The following ANKAR variants were observed in gnomAD, a reference collection of about 807,000 sequenced individuals.
ANKAR encodes the protein ankyrin and armadillo repeat-containing protein.
ANKAR carries 136 observed loss-of-function variants against 146.2 expected under a neutral mutation model. The ratio of observed to expected loss-of-function variants is 0.93; its 90% CI spans 0.81 to 1.07. The LOEUF is 1.07. Ranked by LOEUF, ANKAR falls within the 50% of genes least tolerant of loss-of-function variation. The probability of loss-of-function intolerance (pLI) is 0.00; values close to 1 mark genes in which losing one functional copy is unlikely to be tolerated. For missense variants in ANKAR, 1,567 were observed against 1,679.9 expected (o/e 0.93, Z 1.18); for synonymous variants, 500 against 575.8 (o/e 0.87, Z 1.88).
At chr2:189,722,683 C>A (rs936716652) in intron 12 of ANKAR, among the ~76,000 whole-genome samples, 9 of 152,022 alleles carry the variant, frequency 5.9e-5, no homozygotes, top group Admixed American at 4.6e-4. Context: ...GAGATCAAGA[C>A]CATCCTGGCC....
At chr2:189,727,296 G>A (rs1010418518) in intron 12 of ANKAR, among the ~76,000 whole-genome samples, 4 of 152,018 alleles carry the variant, frequency 2.6e-5, no homozygotes, top group Admixed American at 1.3e-4. Flanking sequence ...TCTGATTATG[G>A]AAGGCTAAGA....
intron 12 of ANKAR, among the ~76,000 whole-genome samples, chr2:189,725,225 G>C (rs1574644633): frequency 6.6e-6 from 1 of 151,996 alleles, no homozygotes; most frequent in East Asian, 1.9e-4. Flanking sequence ...ATGTATGAGT[G>C]TGTGTGTATA....
At chr2:189,737,596 A>G in intron 17 of ANKAR, 87 bp from the exon 18 acceptor site, 1 of 1,237,702 alleles carries the variant, frequency 8.1e-7, no homozygotes. Flanking sequence ...AATGCAATAT[A>G]TTTTAATGAG....
chr2:189,726,633 A>G (rs557118804), intron 12 of ANKAR, among the ~76,000 whole-genome samples: 1 of 152,212 alleles, frequency 6.6e-6, no homozygotes, highest in South Asian at 2.1e-4. Flanking sequence ...CTAAAGAGAC[A>G]TAACTAAGTG....
intron 2 of ANKAR, among the ~76,000 whole-genome samples, chr2:189,679,342 T>C (rs1425158978): frequency 6.6e-6 from 1 of 152,208 alleles, no homozygotes; most frequent in African/African-American, 2.4e-5. Flanking sequence ...AATTCCTTTA[T>C]GGCATCTAAG....
intron 18 of ANKAR, among the ~76,000 whole-genome samples, chr2:189,758,594 C>T (rs1235368662): frequency 3.3e-5 from 5 of 152,170 alleles, no homozygotes; most frequent in Non-Finnish European, 7.3e-5. Flanking sequence ...TCAGGTATTT[C>T]GTTATAGCAG....
rs777475316 is a variant in ANKAR at position 189,746,565 on chromosome 2, G to A, written c.4243G>A (p.Val1415Met). The A allele has an allele frequency of 1.2e-6, 2 of 1,613,670 alleles. No individual in the cohort carries two copies. Among genetic ancestry groups the A allele is most frequent in the Non-Finnish European group, 8.5e-7 (1 of 1,179,852 alleles). ...CACAAATGTATCAAGACCAAGAATAGTGTGTTTGAACCAACTTGGGAAACA... is the reference window on the plus strand; with the variant it reads ...CACAAATGTATCAAGACCAAGAATAATGTGTTTGAACCAACTTGGGAAACA... ...DITNVSRPRI[V>M]CLNQLGKHVQ... Residue 1415 changes from valine to methionine, a missense_variant, in exon 23 of 23, where the codon GTG becomes ATG. Physicochemically the swap from Val to Met is conservative, Grantham distance 21. Coordinates refer to ENST00000684021, the MANE Select transcript of ANKAR (RefSeq NM_001378068.1).
intron 9 of ANKAR, among the ~76,000 whole-genome samples, chr2:189,708,105 G>A (rs753805610): frequency 6.6e-6 from 1 of 152,154 alleles, no homozygotes; most frequent in Non-Finnish European, 1.5e-5. Context: ...AGACAGCAAG[G>A]GGAAGTTCCA....
chr2:189,726,979 T>TA (rs761672813), intron 12 of ANKAR, among the ~76,000 whole-genome samples: 41 of 152,138 alleles, frequency 2.7e-4, no homozygotes, highest in Non-Finnish European at 5.4e-4. Flanking sequence ...TTCTATAAGT[T>TA]AAAAAAATGC....
chr2:189,744,990 T>TCTTCTACTACTACTA (rs1553536976), intron 22 of ANKAR, among the ~76,000 whole-genome samples: 74 of 112,408 alleles, frequency 6.6e-4, no homozygotes, highest in African/African-American at 2.8e-3. Context: ...AAACCCCATC[T>TCTTCTACTACTACTA]CTACTACTAC....
chr2:189,738,522 G>C, intron 18 of ANKAR, 43 bp from the exon 19 acceptor site: 1 of 1,196,428 alleles, frequency 8.4e-7, no homozygotes, highest in South Asian at 1.4e-5. Context: ...GAGAAGCTGA[G>C]TAGAAAATGT....
rs1346144511 is a variant in ANKAR, at chr2:189,746,628, T to A, written c.*1T>A. Reference sequence around the variant, plus strand: ...CAACCCAGAGCCTGCAGAAGGCTAATAAAACATTTTAGAATGAAAGGATTC... The same window carrying A: ...CAACCCAGAGCCTGCAGAAGGCTAAAAAAACATTTTAGAATGAAAGGATTC... On this transcript the variant is annotated 3_prime_UTR_variant, in exon 23 of 23. Coordinates refer to ENST00000684021, the MANE Select transcript of ANKAR (RefSeq NM_001378068.1). 1.8e-5 allele frequency: 29 copies of A among 1,572,812 alleles called. No homozygotes were observed. Among genetic ancestry groups the A allele is most frequent in the Non-Finnish European group, 2.3e-5 (27 of 1,167,122 alleles).
downstream of ANKAR, among the ~76,000 whole-genome samples, chr2:189,750,893 G>A (rs1246929655): frequency 6.6e-6 from 1 of 152,098 alleles, no homozygotes; most frequent in Non-Finnish European, 1.5e-5. Context: ...CAGTTTTGCT[G>A]TTCTCAAATA....
chr2:189,689,241 C>T (rs2036064662), intron 2 of ANKAR, among the ~76,000 whole-genome samples: 1 of 151,996 alleles, frequency 6.6e-6, no homozygotes, highest in South Asian at 2.1e-4. Context: ...TGTGTCTAAA[C>T]CACAAAAGGA....
At chr2:189,698,159 T>C (rs1034720280) in intron 7 of ANKAR, among the ~76,000 whole-genome samples, 1 of 152,200 alleles carries the variant, frequency 6.6e-6, no homozygotes, top group African/African-American at 2.4e-5. Flanking sequence ...AAAAAGGCTA[T>C]TGCATATATT....
At chr2:189,742,905 G>GACACACAC (rs397987025) in intron 20 of ANKAR, among the ~76,000 whole-genome samples, 5 of 33,506 alleles carry the variant, frequency 1.5e-4, no homozygotes, top group South Asian at 1.8e-3. Context: ...AGAATTACCT[G>GACACACAC]ACACACACAC....
intron 21 of ANKAR, among the ~76,000 whole-genome samples, chr2:189,743,934 G>C (rs1422365074): frequency 6.6e-6 from 1 of 152,164 alleles, no homozygotes; most frequent in Non-Finnish European, 1.5e-5. Flanking sequence ...AGTGAAGTTT[G>C]CCAGGTATTC....
chr2:189,693,288 T>C, intron 5 of ANKAR, 111 bp downstream of exon 5: 1 of 666,996 alleles, frequency 1.5e-6, no homozygotes, highest in South Asian at 1.8e-5. Flanking sequence ...CAATGGCGAT[T>C]CCACAATAAT....
At chr2:189,706,907 G>A (rs1559093108) in intron 8 of ANKAR, 31 bp from the exon 9 acceptor site, 13 of 1,558,286 alleles carry the variant, frequency 8.3e-6, no homozygotes, top group Admixed American at 3.7e-5. Context: ...CACTCTATGC[G>A]TGTTTAATTG....
Sources: allele counts gnomAD v4.1 joint callset (sites outside exome capture counted in the v4.1 genomes callset), GRCh38; gene constraint gnomAD v4.1.1; transcripts MANE v1.5; gene names NCBI Gene and HGNC (gene_info 2026-07-23, HGNC 2026-07-21).